PTPRD: variants seen among roughly 807,000 people sequenced by gnomAD.
The protein encoded by PTPRD is protein tyrosine phosphatase receptor type D, also known as receptor-type tyrosine-protein phosphatase delta.
Under a neutral mutation model 214.5 loss-of-function variants are expected in PTPRD, and 34 were observed. The ratio of observed to expected loss-of-function variants is 0.16; its 90% confidence interval spans 0.12 to 0.21. The LOEUF (loss-of-function observed/expected upper bound fraction) is 0.21. Ranked by LOEUF, PTPRD falls within the 10% of genes least tolerant of loss-of-function variation. PTPRD has a pLI of 1.00. For synonymous variants in PTPRD, 1,128 were observed against 845.7 expected (o/e 1.33, Z -5.79); for missense variants, 2,545 against 2,398.7 (o/e 1.06, Z -1.27).
chr9:8,844,966 A>C (rs1245303387), intron 11 of PTPRD, among the ~76,000 whole-genome samples: 1 of 152,172 alleles, frequency 6.6e-6, no homozygotes, highest in Non-Finnish European at 1.5e-5. Flanking sequence ...GTTTTCTAAA[A>C]TCTTAAAAAT....
At chr9:9,930,046 A>G (rs940763408) in intron 5 of PTPRD, among the ~76,000 whole-genome samples, 4 of 152,244 alleles carry the variant, frequency 2.6e-5, no homozygotes, top group African/African-American at 9.6e-5. Flanking sequence ...ACAAAACACC[A>G]GAGCATAAGA....
intron 8 of PTPRD, among the ~76,000 whole-genome samples, chr9:9,485,618 T>C (rs1236530969): frequency 6.6e-6 from 1 of 152,202 alleles, no homozygotes; most frequent in Non-Finnish European, 1.5e-5. Context: ...TCAAATAAGA[T>C]CTGCTCAATT....
chr9:10,406,258 T>G (rs553719602), intron 2 of PTPRD, among the ~76,000 whole-genome samples: 1 of 151,584 alleles, frequency 6.6e-6, no homozygotes, highest in African/African-American at 2.4e-5. Flanking sequence ...AAAGAGAAAA[T>G]TTTATTAGTT....
intron 3 of PTPRD, among the ~76,000 whole-genome samples, chr9:10,157,589 G>C (rs1231781382): frequency 6.6e-6 from 1 of 151,966 alleles, no homozygotes; most frequent in Non-Finnish European, 1.5e-5. Context: ...TTTTGCCCTT[G>C]GGGAATCTGA....
At chr9:9,724,057 C>A (rs2098026803) in intron 7 of PTPRD, among the ~76,000 whole-genome samples, 1 of 152,046 alleles carries the variant, frequency 6.6e-6, no homozygotes, top group Non-Finnish European at 1.5e-5. Flanking sequence ...CACCACTTAT[C>A]ACTCCTGGCC....
At chr9:9,993,078 A>T (rs1213754929) in intron 4 of PTPRD, among the ~76,000 whole-genome samples, 1 of 152,248 alleles carries the variant, frequency 6.6e-6, no homozygotes, top group Non-Finnish European at 1.5e-5. Flanking sequence ...AGTATCAACT[A>T]AAGCTGAAAA....
At chr9:9,554,323 G>C (rs893267882) in intron 8 of PTPRD, among the ~76,000 whole-genome samples, 3 of 151,954 alleles carry the variant, frequency 2.0e-5, no homozygotes, top group African/African-American at 7.2e-5. Flanking sequence ...AATGGATAGA[G>C]ACTAATATAT....
intron 3 of PTPRD, among the ~76,000 whole-genome samples, chr9:10,160,867 A>G (rs1279782551): frequency 6.6e-5 from 10 of 151,954 alleles, no homozygotes; most frequent in Non-Finnish European, 2.9e-5. Context: ...TAAATTCAGT[A>G]CAGTTGGAAG....
At chr9:10,433,905 C>T (rs574016021) in intron 2 of PTPRD, among the ~76,000 whole-genome samples, 63 of 151,912 alleles carry the variant, frequency 4.1e-4, no homozygotes, top group Non-Finnish European at 8.0e-4. Flanking sequence ...TATTTTAAAA[C>T]ATTACATATT....
chr9:9,392,943 G>C (rs1200267509), intron 9 of PTPRD, among the ~76,000 whole-genome samples: 1 of 152,160 alleles, frequency 6.6e-6, no homozygotes, highest in Non-Finnish European at 1.5e-5. Flanking sequence ...TGCACACTGG[G>C]AGAATGGGGT....
intron 3 of PTPRD, among the ~76,000 whole-genome samples, chr9:10,049,170 C>G (rs191246161): frequency 1.3e-5 from 2 of 152,082 alleles, no homozygotes; most frequent in African/African-American, 4.8e-5. Flanking sequence ...TTCAATGTGG[C>G]GTTTGCGGAA....
At chr9:9,064,932 G>A (rs1273647261) in intron 10 of PTPRD, among the ~76,000 whole-genome samples, 1 of 152,186 alleles carries the variant, frequency 6.6e-6, no homozygotes, top group Non-Finnish European at 1.5e-5. Context: ...CAAATGGACA[G>A]AACTATGGAG....
chr9:9,692,433 C>G (rs1317945151), intron 7 of PTPRD, among the ~76,000 whole-genome samples: 2 of 151,908 alleles, frequency 1.3e-5, no homozygotes, highest in Non-Finnish European at 2.9e-5. Context: ...AATGAGCCCA[C>G]TGTAGGTGTG....
intron 11 of PTPRD, among the ~76,000 whole-genome samples, chr9:8,840,007 C>A (rs575915426): frequency 1.3e-5 from 2 of 152,190 alleles, no homozygotes; most frequent in East Asian, 3.9e-4. Flanking sequence ...GGATTATGAG[C>A]AAAAGGACTA....
intron 36 of PTPRD, among the ~76,000 whole-genome samples, chr9:8,396,780 G>A (rs2091291232): frequency 6.6e-6 from 1 of 152,132 alleles, no homozygotes. Context: ...CATTTACACA[G>A]CTCTAATTAG....
At chr9:10,011,415 A>G (rs975080635) in intron 4 of PTPRD, among the ~76,000 whole-genome samples, 1 of 151,990 alleles carries the variant, frequency 6.6e-6, no homozygotes, top group African/African-American at 2.4e-5. Context: ...AAAATTTAAC[A>G]AAACAAATAA....
At chr9:10,288,698 T>C (rs917927468) in intron 3 of PTPRD, among the ~76,000 whole-genome samples, 1 of 152,176 alleles carries the variant, frequency 6.6e-6, no homozygotes, top group African/African-American at 2.4e-5. Flanking sequence ...GACATGCTTT[T>C]GGTATTTAAA....
chr9:10,560,119 C>G (rs909950777), intron 2 of PTPRD, among the ~76,000 whole-genome samples: 1 of 152,010 alleles, frequency 6.6e-6, no homozygotes, highest in Non-Finnish European at 1.5e-5. Flanking sequence ...GTATGTTTAT[C>G]GCGGCACTAT....
intron 9 of PTPRD, among the ~76,000 whole-genome samples, chr9:9,356,924 T>A (rs1178659072): frequency 6.6e-6 from 1 of 151,358 alleles, no homozygotes; most frequent in Non-Finnish European, 1.5e-5. Flanking sequence ...GAATTATAGT[T>A]AACAAACAGA....
Sources: allele counts gnomAD v4.1 joint callset (sites outside exome capture counted in the v4.1 genomes callset), GRCh38; gene constraint gnomAD v4.1.1; transcripts MANE v1.5; gene names NCBI Gene and HGNC (gene_info 2026-07-23, HGNC 2026-07-21).